The following ZNF534 variants were observed in gnomAD, a reference collection of about 807,000 sequenced individuals.
The protein encoded by ZNF534 is zinc finger protein 534.
A neutral mutation model predicts 13.6 loss-of-function variants in ZNF534; 19 were observed. The observed-to-expected ratio is 1.40, with a 90% CI of 0.97 to 2.05. The LOEUF (loss-of-function observed/expected upper bound fraction) is 2.05, where lower values mean the gene tolerates loss of function less well. Ranked by LOEUF, ZNF534 falls within the 30% of genes most tolerant of loss-of-function variation. ZNF534 has a pLI of 0.00. For missense variants in ZNF534, 782 were observed against 796.3 expected (o/e 0.98, Z 0.22); for synonymous variants, 244 against 273.8 (o/e 0.89, Z 1.07).
At chr19:52,450,451 C>A (rs1391737132) in intron 4 of ZNF534, among the ~76,000 whole-genome samples, 1 of 151,992 alleles carries the variant, frequency 6.6e-6, no homozygotes, top group Non-Finnish European at 1.5e-5. Context: ...TATTCTTTGT[C>A]AAAAATCAGC....
In ZNF534 at chr19:52,438,266, C is replaced by G; in HGVS notation, c.806C>G (p.Pro269Arg). Residue 269 changes from proline to arginine, a missense_variant, in exon 5 of 5, where the codon CCT (proline) becomes CGT (arginine). By Grantham distance (103) the Pro-to-Arg change is moderately radical. Transcript: ENST00000433050. The part of the protein sequence containing the change: ...QHQKIHTGQK[P>R]YNNKECGKVF... ...CAGAAAATTCATACTGGACAGAAACCTTACAATAACAAAGAATGTGGGAAA... is the reference window on the plus strand; with the variant it reads ...CAGAAAATTCATACTGGACAGAAACGTTACAATAACAAAGAATGTGGGAAA... 2.5e-6 allele frequency: 4 copies of G among 1,605,514 alleles called. No individual in the cohort carries two copies. The highest frequency in any genetic ancestry group is 3.4e-6 in the Non-Finnish European group (4 of 1,173,428).
rs765171281 is a variant in ZNF534, at chr19:52,438,868, G to A, written c.1408G>A (p.Glu470Lys). Residue 470 changes from glutamate to lysine, a missense_variant, in exon 5 of 5, where the codon GAA (glutamate) becomes AAA (lysine). Physicochemically the swap from Glu to Lys is moderately conservative, Grantham distance 56. Transcript: ENST00000433050. Reference protein sequence around the residue: ...HTGEKPYKCNECGKVFSQNSN... With the variant: ...HTGEKPYKCNKCGKVFSQNSN... The stretch of plus-strand genomic sequence containing the variant: ...TGGAGAGAAGCCTTACAAATGTAAC[G>A]AATGTGGCAAGGTCTTCAGTCAGAA... 10 of 1,610,974 alleles carry A rather than the reference G, an allele frequency of 6.2e-6. No individual in the cohort carries two copies. Among genetic ancestry groups the A allele is most frequent in the South Asian group, 2.2e-5 (2 of 90,690 alleles).
downstream of ZNF534, among the ~76,000 whole-genome samples, chr19:52,446,425 A>G (rs1336248953): frequency 6.6e-6 from 1 of 152,150 alleles, no homozygotes; most frequent in Non-Finnish European, 1.5e-5. Flanking sequence ...TTTGTATGTC[A>G]ACGGTGCATC....
intron 1 of ZNF534, 140 bp from the exon 2 acceptor site, chr19:52,431,268 T>G: frequency 3.1e-6 from 2 of 653,578 alleles, no homozygotes; most frequent in Non-Finnish European, 2.6e-6. Flanking sequence ...ACTCACTTGT[T>G]GATTTTCCTG....
chr19:52,444,516 T>C (rs2059187385), downstream of ZNF534, among the ~76,000 whole-genome samples: 1 of 152,048 alleles, frequency 6.6e-6, no homozygotes, highest in African/African-American at 2.4e-5. Flanking sequence ...GAGCATCAGC[T>C]GTGGTAGTAT....
In ZNF534 at chr19:52,439,281, A is replaced by G; in HGVS notation, c.1821A>G (p.Lys607=). Residue 607 remains lysine (K), a synonymous_variant, in exon 5 of 5, where the codon AAA becomes AAG. Coordinates refer to ENST00000433050, the MANE Select transcript of ZNF534 (RefSeq NM_001143938.3). ...TTCATACTGGAGAGAAGCTTTACAA[A>G]TGTAATGAATGTAGCAAGGTCTTCA... is the stretch of plus-strand genomic sequence containing the variant. ...RKIHTGEKLY[K]CNECSKVFSR... is the part of the protein sequence containing the mutation. 6.4e-7 allele frequency: 1 copy of G among 1,558,012 alleles called. No individual in the cohort carries two copies. Among genetic ancestry groups the G allele is most frequent in the South Asian group, 1.2e-5 (1 of 85,698 alleles).
rs878921617 is a variant in ZNF534 at position 52,439,113 on chromosome 19, T to G, written c.1653T>G (p.Ser551Arg). 1 of 1,589,106 alleles carries G rather than the reference T, an allele frequency of 6.3e-7. No individual in the cohort carries two copies. The highest frequency in any genetic ancestry group is 1.1e-5 in the South Asian group (1 of 89,038). Residue 551 changes from serine (S) to arginine (R), a missense_variant, in exon 5 of 5, where the codon AGT (serine) becomes AGG (arginine). Transcript: ENST00000433050. ...TTCATACTGGAGAAAAGCCTTACAG[T>G]TGTAATGAATGTGGCAAGGTCTTCA... ...RNVHTGEKPY[S>R]CNECGKVFSR...
rs756103927 is a variant in ZNF534 at position 52,434,140 on chromosome 19, C to G, written c.142+59C>G. On this transcript the variant is annotated intron_variant, in intron 3 of 4. Coordinates refer to ENST00000433050, the MANE Select transcript of ZNF534 (RefSeq NM_001143938.3). ...GCTCTGGTATATCTTTTTGCATTTTCTCTTGTGTGTCTCTCGGGAGCCCCT... is the reference window on the plus strand; with the variant it reads ...GCTCTGGTATATCTTTTTGCATTTTGTCTTGTGTGTCTCTCGGGAGCCCCT... 2.3e-5 allele frequency: 36 copies of G among 1,576,212 alleles called. No individual in the cohort carries two copies. In the South Asian group the frequency reaches 4.1e-4, roughly 18 times the overall value.
chr19:52,432,879 C>T (rs1246768998), intron 2 of ZNF534, among the ~76,000 whole-genome samples: 2 of 152,054 alleles, frequency 1.3e-5, no homozygotes, highest in Admixed American at 1.3e-4. Context: ...ATCCACCTGC[C>T]TCGGCCTCCC....
chr19:52,438,916 A>C lies in ZNF534; in HGVS notation c.1456A>C (p.Lys486Gln). ...GAATTCAAACCTTCAACGACATAGG[A>C]AAATTCATACTGGAGAGAAGCTTTA... is the stretch of plus-strand genomic sequence containing the variant. The part of the protein sequence containing the change: ...SQNSNLQRHR[K>Q]IHTGEKLYKC... The change falls in exon 5 of 5, where the codon AAA becomes CAA. Residue 486 changes from lysine (K) to glutamine (Q), a missense_variant. Physicochemically the swap from Lys to Gln is moderately conservative, Grantham distance 53. This residue lies in a region of ZNF534 where 591 missense variants were observed against 574.0 expected (regional missense o/e 1.03). Coordinates refer to ENST00000433050, the MANE Select transcript of ZNF534 (RefSeq NM_001143938.3). 6.3e-7 allele frequency: 1 copy of C among 1,589,182 alleles called. No homozygotes were observed. The highest frequency in any genetic ancestry group is 8.6e-7 in the Non-Finnish European group (1 of 1,164,040).
chr19:52,434,951 A>T (rs2059118928), intron 3 of ZNF534, 130 bp from the exon 4 acceptor site: 2 of 1,166,696 alleles, frequency 1.7e-6, no homozygotes, highest in Non-Finnish European at 2.4e-6. Context: ...ATTCAGAAGG[A>T]TGCAATCAGT....
rs2059142433 is a variant in ZNF534, at chr19:52,438,224, C to G, written c.764C>G (p.Ser255Ter). The G allele has an allele frequency of 1.2e-6, 2 of 1,613,936 alleles. No homozygotes were observed. Among genetic ancestry groups the G allele is most frequent in the African/African-American group, 1.3e-5 (1 of 74,924 alleles). The change falls in exon 5 of 5, where the codon TCA (serine) becomes TGA (stop). Residue 255 changes from serine to a stop codon, truncating the protein, a stop_gained. Coordinates refer to ENST00000433050, the MANE Select transcript of ZNF534 (RefSeq NM_001143938.3). LOFTEE classifies it low-confidence loss of function (END_TRUNC). ...TGTGGCAAAGTCTTCAATCAGAATT[C>G]ACACCTTGCACAACATCAGAAAATT... Reference protein sequence around the residue: ...NECGKVFNQNSHLAQHQKIHT... With the variant: ...NECGKVFNQN
intron 2 of ZNF534, among the ~76,000 whole-genome samples, 168 bp downstream of exon 2, chr19:52,431,657 A>G (rs567661022): frequency 3.9e-5 from 6 of 152,200 alleles, no homozygotes; most frequent in Non-Finnish European, 5.9e-5. Flanking sequence ...CCAGTTCCCT[A>G]TGACCCAATG....
In ZNF534 at chr19:52,441,900, T is replaced by C. The variant is rs989095918; in HGVS notation, c.*2454T>C. ...TGGACAGCATCAGATAATTTATTCA[T>C]GAAAGAGTCCTTACAAGCTGTGTAC... On this transcript the variant is annotated 3_prime_UTR_variant, in exon 5 of 5. Transcript: ENST00000433050. 6.6e-6 allele frequency among the ~76,000 whole-genome samples: 1 copy of C among 152,232 alleles called. No homozygotes were observed. Among genetic ancestry groups the C allele is most frequent in the Non-Finnish European group, 1.5e-5 (1 of 68,044 alleles).
rs1039115977 is a variant in ZNF534 at position 52,439,367 on chromosome 19, G to C, written c.1907G>C (p.Cys636Ser). The change falls in exon 5 of 5, where the codon TGT becomes TCT. Residue 636 changes from cysteine to serine, a missense_variant. Cys to Ser is a moderately radical substitution (Grantham distance 112). Transcript: ENST00000433050. ...NIHTGVKPYS[C>S]NECGKVFSKN... ...CATACTGGAGTGAAGCCTTACAGTT[G>C]TAATGAATGTGGCAAGGTCTTTAGT... 11 of 1,552,200 alleles carry C rather than the reference G, an allele frequency of 7.1e-6. No individual in the cohort carries two copies. Among genetic ancestry groups the C allele is most frequent in the African/African-American group, 1.4e-5 (1 of 73,042 alleles).
At chr19:52,436,489 C>G (rs1268740344) in intron 4 of ZNF534, among the ~76,000 whole-genome samples, 1 of 152,084 alleles carries the variant, frequency 6.6e-6, no homozygotes, top group African/African-American at 2.4e-5. Flanking sequence ...TCAGTTCTTT[C>G]CTCAGATGTG....
intron 3 of ZNF534, among the ~76,000 whole-genome samples, chr19:52,434,482 A>G (rs1383384065): frequency 6.7e-6 from 1 of 149,742 alleles, no homozygotes; most frequent in African/African-American, 2.5e-5. Context: ...AAAAAAAAAA[A>G]AAAAGAAATG....
At position 52,441,398 on chromosome 19, in the gene ZNF534, C is replaced by G. The variant is rs1217951404; in HGVS notation, c.*1952C>G. ...GGTGTGTTGGTATATGCATGTATTC[C>G]CAGCTACTTGGGAGGCTGAGGCAGA... On this transcript the variant is annotated 3_prime_UTR_variant, in exon 5 of 5. Transcript: ENST00000433050. Among the ~76,000 whole-genome samples, 1 of 152,092 alleles carries G rather than the reference C, an allele frequency of 6.6e-6. No individual in the cohort carries two copies. Among genetic ancestry groups the G allele is most frequent in the Non-Finnish European group, 1.5e-5 (1 of 68,006 alleles).
chr19:52,451,739 C>A, exon 5 of ZNF534: 1 of 675,264 alleles, frequency 1.5e-6, no homozygotes, highest in South Asian at 1.8e-5. Context: ...GATGTAGGAG[C>A]TGGTATCACA....
Sources: allele counts gnomAD v4.1 joint callset (sites outside exome capture counted in the v4.1 genomes callset), GRCh38; gene constraint gnomAD v4.1.1; regional missense constraint gnomAD v4.1.1; transcripts MANE v1.5; gene names NCBI Gene and HGNC (gene_info 2026-07-23, HGNC 2026-07-21).